The following NUGGC variants were observed in gnomAD, a reference collection of about 807,000 sequenced individuals.
NUGGC encodes nuclear GTPase, germinal center associated.
A neutral mutation model predicts 92.6 loss-of-function variants in NUGGC; 58 were observed. The ratio of observed to expected loss-of-function variants is 0.63; its 90% CI spans 0.51 to 0.78. NUGGC has a LOEUF of 0.78. Ranked by LOEUF, NUGGC falls within the 30% of genes least tolerant of loss-of-function variation. NUGGC has a pLI of 0.00. For missense variants in NUGGC, 925 were observed against 964.6 expected, an observed-to-expected ratio of 0.96 and a Z score of 0.54; for synonymous variants, 376 against 366.4, an observed-to-expected ratio of 1.03 and a Z score of -0.30.
At chr8:28,065,149 G>C (rs1341266686) in intron 6 of NUGGC, among the ~76,000 whole-genome samples, 2 of 145,784 alleles carry the variant, frequency 1.4e-5, no homozygotes, top group African/African-American at 2.5e-5. Flanking sequence ...TCTGAAATTG[G>C]ATCTTTTTTT....
At chr8:28,076,428 A>T (rs1429630412) in intron 1 of NUGGC, among the ~76,000 whole-genome samples, 1 of 152,164 alleles carries the variant, frequency 6.6e-6, no homozygotes, top group Non-Finnish European at 1.5e-5. Flanking sequence ...CCTCCAGAGT[A>T]GCTGGGATTA....
At chr8:28,042,831 T>A (rs959667772) in intron 12 of NUGGC, among the ~76,000 whole-genome samples, 1 of 152,218 alleles carries the variant, frequency 6.6e-6, no homozygotes, top group Non-Finnish European at 1.5e-5. Context: ...TAGACAGAAA[T>A]AGCTCTCGAA....
chr8:28,070,856 G>T (rs535828930), intron 2 of NUGGC, among the ~76,000 whole-genome samples: 2 of 151,590 alleles, frequency 1.3e-5, no homozygotes, highest in African/African-American at 4.8e-5. Context: ...GCCAGGTGTG[G>T]TGGTGTGCAC....
chr8:28,032,514 A>G (rs964851975), intron 14 of NUGGC, among the ~76,000 whole-genome samples: 20 of 151,848 alleles, frequency 1.3e-4, no homozygotes, highest in Admixed American at 1.2e-3. Context: ...TCAGGAGATC[A>G]AGACCATCCT....
Position 28,070,286 on chromosome 8 carries a change from T to C in NUGGC, c.114A>G (p.Ala38=), listed in dbSNP as rs757327700. 82 of 1,555,214 alleles carry C rather than the reference T, an allele frequency of 5.3e-5. No individual in the cohort carries two copies. Among genetic ancestry groups the C allele is most frequent in the Non-Finnish European group, 5.7e-5 (65 of 1,148,052 alleles). ...GAGCACTCTGCTCCATGGAGGGAAA[T>C]GCTCGGAACCGCTGGTCTCGATCTG... ...RKSDRDQRFR[A]FPSMEQSALK... is the part of the protein sequence containing the mutation. The change falls in exon 3 of 19, where the codon GCA becomes GCG. Residue 38 remains alanine (A), a synonymous_variant. Transcript: ENST00000413272.
At position 28,031,530 on chromosome 8, in the gene NUGGC, T is replaced by C. The variant is rs1307538169; in HGVS notation, c.1770-149A>G. 6.6e-6 allele frequency: 5 copies of C among 755,946 alleles called. No homozygotes were observed. In the African/African-American group the frequency reaches 7.0e-5, roughly 11 times the overall value. The allele number at this position is 755,946 out of a possible 1,614,324, so 46.8% of individuals were successfully genotyped here. A position where few individuals can be genotyped will look rare whatever the true frequency, so the allele number is the denominator to read the frequency against. The stretch of plus-strand genomic sequence containing the variant: ...CAAATCCCTATAATGTGCCAGGCAC[T>C]GTGCTGTGCCAGACCTTTGACATAA... On this transcript the variant is annotated intron_variant, in intron 14 of 18. Transcript: ENST00000413272.
At position 28,067,685 on chromosome 8, in the gene NUGGC, G is replaced by A. The variant is rs1390694434; in HGVS notation, c.540C>T (p.Ser180=). ...TGTTCCACGCATCTGCCTCTTCTCT[G>A]CTCAGCTCCTCCGTCCTATGCAGGA... is the stretch of plus-strand genomic sequence containing the variant. ...TKLLHRTEEL[S]REEADAWNRD... Residue 180 remains serine (S), a synonymous_variant, in exon 6 of 19, where the codon AGC becomes AGT. Transcript: ENST00000413272. The A allele has an allele frequency of 6.2e-7, 1 of 1,613,852 alleles. No homozygotes were observed. Among genetic ancestry groups the A allele is most frequent in the African/African-American group, 1.3e-5 (1 of 74,934 alleles).
At position 28,064,651 on chromosome 8, in the gene NUGGC, G is replaced by GCGCA; in HGVS notation, c.788_791dup (p.Ile265AlafsTer47). The stretch of plus-strand genomic sequence containing the variant: ...CCACATGTTTGATCAAGGGCCAGAT[G>GCGCA]CGCATCTCAGCGGCCTCTCCATCCC... On this transcript the variant is annotated frameshift_variant, in exon 7 of 19. Transcript: ENST00000413272. LOFTEE classifies it high-confidence loss of function. 6.2e-7 allele frequency: 1 copy of GCGCA among 1,614,016 alleles called. No individual in the cohort carries two copies. The highest frequency in any genetic ancestry group is 2.2e-5 in the East Asian group (1 of 44,884).
Position 28,074,359 on chromosome 8 carries a change from A to G in NUGGC, c.43+9T>C, listed in dbSNP as rs747286467. The G allele has an allele frequency of 3.7e-6, 6 of 1,603,374 alleles. No individual in the cohort carries two copies. The Admixed American group carries it at 1.0e-4, about 27-fold the overall frequency. ...TATCCTCCATCAGAAGATACTGCAA[A>G]GATGTTACCTGGATGCGGTTCCTGG... is the stretch of plus-strand genomic sequence containing the variant. On this transcript the variant is annotated intron_variant, in intron 2 of 18. Coordinates refer to ENST00000413272, the MANE Select transcript of NUGGC (RefSeq NM_001010906.2).
chr8:28,068,205 G>A lies in NUGGC; in HGVS notation c.480+11C>T. 4 of 1,486,668 alleles carry A rather than the reference G, an allele frequency of 2.7e-6. No individual in the cohort carries two copies. Among genetic ancestry groups the A allele is most frequent in the Non-Finnish European group, 2.7e-6 (3 of 1,091,404 alleles). The allele number at this position is 1,486,668 out of a possible 1,614,324, so 92.1% of individuals were successfully genotyped here. Reference sequence around the variant, plus strand: ...GGAAGGGAAGGAAGGAGGGAGGAAGGGAACACTTACCTGGTCAGACAGAAG... The same window carrying A: ...GGAAGGGAAGGAAGGAGGGAGGAAGAGAACACTTACCTGGTCAGACAGAAG... On this transcript the variant is annotated intron_variant, in intron 5 of 18. Transcript: ENST00000413272.
rs1234406544 is a variant in NUGGC, at chr8:28,064,486, A to G, written c.921+36T>C. On this transcript the variant is annotated intron_variant, in intron 7 of 18. Transcript: ENST00000413272. ...TGCTTGAGAAAGGGTAGAGGAGTTT[A>G]GGGAAGAGAGAACTAAACCTACGAA... 3 of 1,561,598 alleles carry G rather than the reference A, an allele frequency of 1.9e-6. No homozygotes were observed. In the African/African-American group the frequency reaches 4.1e-5, roughly 21 times the overall value.
In NUGGC at chr8:28,023,352, G is replaced by A; in HGVS notation, c.2356C>T (p.Pro786Ser). ...GMQEFLLRAS[P>S]SKAGPPGTSL Reference sequence around the variant, plus strand: ...GTCCCGGGGGGGCCAGCCTTGCTGGGGGATGCCCTTAGGAGGAATTCTTGC... The same window carrying A: ...GTCCCGGGGGGGCCAGCCTTGCTGGAGGATGCCCTTAGGAGGAATTCTTGC... Residue 786 changes from proline (P) to serine (S), a missense_variant, in exon 19 of 19, where the codon CCC becomes TCC. Transcript: ENST00000413272. 6.2e-7 allele frequency: 1 copy of A among 1,613,910 alleles called. No individual in the cohort carries two copies. The highest frequency in any genetic ancestry group is 8.5e-7 in the Non-Finnish European group (1 of 1,179,846).
chr8:28,030,174 A>G (rs1161270949), intron 16 of NUGGC, 136 bp downstream of exon 16: 8 of 625,410 alleles, frequency 1.3e-5, no homozygotes, highest in African/African-American at 9.1e-5. Context: ...TGTGGTTGCA[A>G]TGTGTGGACT....
Position 28,064,665 on chromosome 8 carries a change from C to A in NUGGC, c.778G>T (p.Ala260Ser). The A allele has an allele frequency of 6.2e-7, 1 of 1,614,046 alleles. No individual in the cohort carries two copies. The highest frequency in any genetic ancestry group is 8.5e-7 in the Non-Finnish European group (1 of 1,179,906). Residue 260 changes from alanine to serine, a missense_variant, in exon 7 of 19, where the codon GCC (alanine) becomes TCC (serine). By Grantham distance (99) the Ala-to-Ser change is moderately conservative (BLOSUM62 1). Coordinates refer to ENST00000413272, the MANE Select transcript of NUGGC (RefSeq NM_001010906.2). ...RTQRRDWDGE[A>S]AEMRIWPLIK... is the part of the protein sequence containing the mutation. ...AAGGGCCAGATGCGCATCTCAGCGG[C>A]CTCTCCATCCCAATCTCTCCTCTGT...
chr8:28,081,606 C>T (rs1391712094), intron 1 of NUGGC, among the ~76,000 whole-genome samples: 1 of 152,090 alleles, frequency 6.6e-6, no homozygotes, highest in Non-Finnish European at 1.5e-5. Context: ...CAGCTGGGTG[C>T]AGTGGATCAC....
rs187338124 is a variant in NUGGC, at chr8:28,070,296, C to G, written c.104G>C (p.Arg35Pro). The stretch of plus-strand genomic sequence containing the variant: ...CTCCATGGAGGGAAATGCTCGGAAC[C>G]GCTGGTCTCGATCTGATTTCCTTCT... ...RKRRKSDRDQ[R>P]FRAFPSMEQS... The change falls in exon 3 of 19, where the codon CGG (arginine) becomes CCG (proline). Residue 35 changes from arginine (R) to proline (P), a missense_variant. By Grantham distance (103) the Arg-to-Pro change is moderately radical. Coordinates refer to ENST00000413272, the MANE Select transcript of NUGGC (RefSeq NM_001010906.2). 9 of 1,554,244 alleles carry G rather than the reference C, an allele frequency of 5.8e-6. No individual in the cohort carries two copies. Among genetic ancestry groups the G allele is most frequent in the Non-Finnish European group, 7.8e-6 (9 of 1,147,552 alleles).
At chr8:28,047,090 C>T (rs1290337807) in intron 11 of NUGGC, among the ~76,000 whole-genome samples, 2 of 152,062 alleles carry the variant, frequency 1.3e-5, no homozygotes, top group African/African-American at 4.8e-5. Context: ...CCTGCCTCAG[C>T]CTCCCAAGTA....
Position 28,070,242 on chromosome 8 carries a change from A to G in NUGGC, c.148+10T>C. The G allele has an allele frequency of 6.5e-7, 1 of 1,538,954 alleles. No individual in the cohort carries two copies. The highest frequency in any genetic ancestry group is 8.8e-7 in the Non-Finnish European group (1 of 1,135,196). ...GAACCATGTTAAAACAACAGTTCCA[A>G]GACACTCACATTCCTTAAGAGCACT... On this transcript the variant is annotated intron_variant, in intron 3 of 18. Transcript: ENST00000413272.
chr8:28,040,499 C>G (rs1268715721), intron 13 of NUGGC, among the ~76,000 whole-genome samples: 1 of 152,180 alleles, frequency 6.6e-6, no homozygotes, highest in Non-Finnish European at 1.5e-5. Context: ...GTACTCCAAC[C>G]AAGACCCTCA....
Sources: gnomAD v4.1 joint callset for allele counts (sites outside exome capture counted in the v4.1 genomes callset) on GRCh38, gnomAD v4.1.1 for gene constraint, MANE v1.5 for transcripts, NCBI Gene and HGNC (gene_info 2026-07-23, HGNC 2026-07-21) for gene names.